NKAIN3: variants seen among roughly 807,000 people sequenced by gnomAD.
NKAIN3 encodes sodium/potassium transporting ATPase interacting 3.
In NKAIN3, 25 loss-of-function variants were observed where a neutral mutation model predicts 30.2. That is an observed-to-expected ratio of 0.83 (90% CI 0.60 to 1.16). NKAIN3 has a LOEUF of 1.16. Among genes scored for constraint, NKAIN3 ranks in the 50% most tolerant of loss-of-function variants. The pLI is 0.00. For synonymous variants in NKAIN3, 91 were observed against 89.6 expected (o/e 1.02, Z -0.09); for missense variants, 225 against 254.1 (o/e 0.89, Z 0.78).
rs1266840103 is a variant in NKAIN3, at chr8:62,953,962, C to T, written c.593C>T (p.Pro198Leu). The change falls in exon 6 of 7, where the codon CCT (proline) becomes CTT (leucine). Residue 198 changes from proline to leucine, a missense_variant. Coordinates refer to ENST00000623646, the MANE Select transcript of NKAIN3 (RefSeq NM_001304533.3). The part of the protein sequence containing the change: ...SYYQDHVELK[P>L]VKPVEISNDI... ...TACCAGGATCATGTTGAGTTAAAGC[C>T]TGTTAAACCAGTAAGTAAAGGTGTG... 3 of 975,512 alleles carry T rather than the reference C, an allele frequency of 3.1e-6. No individual in the cohort carries two copies. The highest frequency in any genetic ancestry group is 3.7e-6 in the Non-Finnish European group (3 of 820,644). The allele number at this position is 975,512 out of a possible 1,614,324, so 60.4% of individuals were successfully genotyped here.
intron 3 of NKAIN3, among the ~76,000 whole-genome samples, chr8:62,652,623 G>A (rs200662073): frequency 6.6e-6 from 1 of 152,118 alleles, no homozygotes; most frequent in African/African-American, 2.4e-5. Context: ...GGTAAACTGG[G>A]AATAGTCTGA....
chr8:62,291,145 C>T (rs1813609117), intron 1 of NKAIN3, among the ~76,000 whole-genome samples: 1 of 152,048 alleles, frequency 6.6e-6, no homozygotes, highest in African/African-American at 2.4e-5. Flanking sequence ...CTTTATTAGT[C>T]TTGCTAGCAG....
chr8:62,601,728 C>T lies in NKAIN3; in HGVS notation c.273+11934C>T, dbSNP rs113703348. On this transcript the variant is annotated intron_variant, in intron 3 of 6. Coordinates refer to ENST00000623646, the MANE Select transcript of NKAIN3 (RefSeq NM_001304533.3). ...TACTAAATCTAAATGAGAACAAAAG[C>T]CTGAAAATGTTTATTGTTATGTTTG... Among the ~76,000 whole-genome samples, 848 of 152,014 alleles carry T rather than the reference C, an allele frequency of 5.6e-3. 2 individuals are homozygous for T. The highest frequency in any genetic ancestry group is 0.014 in the South Asian group (68 of 4,822).
At chr8:62,452,826 C>T (rs1268606171) in intron 1 of NKAIN3, among the ~76,000 whole-genome samples, 1 of 151,930 alleles carries the variant, frequency 6.6e-6, no homozygotes, top group Non-Finnish European at 1.5e-5. Context: ...TAGAAAATTT[C>T]TTATGCCAAG....
intron 1 of NKAIN3, among the ~76,000 whole-genome samples, chr8:62,562,789 T>A (rs1480808205): frequency 6.6e-6 from 1 of 152,200 alleles, no homozygotes. Flanking sequence ...ACATTTAATT[T>A]CGTTTCCAAA....
chr8:62,507,053 A>G (rs1362159644), intron 1 of NKAIN3, among the ~76,000 whole-genome samples: 1 of 152,168 alleles, frequency 6.6e-6, no homozygotes, highest in Non-Finnish European at 1.5e-5. Context: ...AATGTTTTTG[A>G]TTGTGAACAT....
At chr8:62,750,497 C>G (rs1176769403) in intron 4 of NKAIN3, among the ~76,000 whole-genome samples, 2 of 152,148 alleles carry the variant, frequency 1.3e-5, no homozygotes, top group Non-Finnish European at 2.9e-5. Context: ...CAGGCTGTTG[C>G]TTGGGGCTCA....
intron 3 of NKAIN3, among the ~76,000 whole-genome samples, chr8:62,719,100 T>C: frequency 6.6e-6 from 1 of 152,200 alleles, no homozygotes; most frequent in Non-Finnish European, 1.5e-5. Context: ...GTTTCTCCAT[T>C]GATTAGGGTT....
At chr8:62,876,413 CA>C (rs984005885) in intron 4 of NKAIN3, among the ~76,000 whole-genome samples, 2 of 152,114 alleles carry the variant, frequency 1.3e-5, no homozygotes, top group African/African-American at 4.8e-5. Context: ...GGTGATTCCT[CA>C]ATGATCTAGA....
At chr8:62,495,117 C>G (rs529282602) in intron 1 of NKAIN3, among the ~76,000 whole-genome samples, 2 of 152,234 alleles carry the variant, frequency 1.3e-5, no homozygotes, top group African/African-American at 4.8e-5. Flanking sequence ...ATCTTCATAT[C>G]TAGCTGCAGC....
intron 4 of NKAIN3, among the ~76,000 whole-genome samples, chr8:62,853,096 T>C (rs997401518): frequency 1.2e-4 from 18 of 152,202 alleles, no homozygotes; most frequent in African/African-American, 4.3e-4. Context: ...TTTAAGTCTC[T>C]TTCTAGGTCT....
At chr8:62,437,404 G>T (rs2129597982) in intron 1 of NKAIN3, among the ~76,000 whole-genome samples, 1 of 152,262 alleles carries the variant, frequency 6.6e-6, no homozygotes, top group East Asian at 1.9e-4. Flanking sequence ...AAATTTCTCA[G>T]GTTTACAGAC....
chr8:62,471,904 C>T (rs1219915474), intron 1 of NKAIN3, among the ~76,000 whole-genome samples: 2 of 151,986 alleles, frequency 1.3e-5, no homozygotes, highest in Admixed American at 6.6e-5. Flanking sequence ...ATGATCGTGC[C>T]AGTTAGTGCA....
At chr8:62,431,441 C>G (rs1375062167) in intron 1 of NKAIN3, among the ~76,000 whole-genome samples, 1 of 151,434 alleles carries the variant, frequency 6.6e-6, no homozygotes, top group African/African-American at 2.4e-5. Flanking sequence ...TCTTATTTGC[C>G]CAAAGTTCTG....
intron 3 of NKAIN3, among the ~76,000 whole-genome samples, chr8:62,641,515 T>G (rs1256793395): frequency 8.5e-5 from 13 of 152,298 alleles, no homozygotes; most frequent in Admixed American, 8.5e-4. Context: ...ATTTGCTTTT[T>G]GTAGGTTTTT....
At chr8:62,249,306 C>T (rs1456428352) in intron 1 of NKAIN3, among the ~76,000 whole-genome samples, 179 bp downstream of exon 1, 2 of 152,240 alleles carry the variant, frequency 1.3e-5, no homozygotes, top group Non-Finnish European at 2.9e-5. Context: ...GCCGCGGGCA[C>T]TCGCCAGGTC....
intron 1 of NKAIN3, among the ~76,000 whole-genome samples, chr8:62,458,556 A>C (rs1267198961): frequency 6.6e-6 from 1 of 152,158 alleles, no homozygotes; most frequent in Non-Finnish European, 1.5e-5. Flanking sequence ...CATGTCCTAC[A>C]AGTCATCTTG....
chr8:62,267,553 C>T (rs1242581088), intron 1 of NKAIN3, among the ~76,000 whole-genome samples: 1 of 152,038 alleles, frequency 6.6e-6, no homozygotes, highest in East Asian at 1.9e-4. Context: ...TTTAGTTAAC[C>T]TTTTACTATT....
intron 3 of NKAIN3, among the ~76,000 whole-genome samples, chr8:62,720,107 A>G (rs1204559903): frequency 6.6e-6 from 1 of 152,150 alleles, no homozygotes; most frequent in East Asian, 1.9e-4. Flanking sequence ...TAGACACTAA[A>G]CAAAAGCCTT....
Sources: allele counts gnomAD v4.1 joint callset (sites outside exome capture counted in the v4.1 genomes callset), GRCh38; gene constraint gnomAD v4.1.1; transcripts MANE v1.5; gene names NCBI Gene and HGNC (gene_info 2026-07-23, HGNC 2026-07-21).